The following ARMH4 variants were observed in gnomAD, a reference collection of about 807,000 sequenced individuals.
ARMH4 encodes the protein armadillo like helical domain containing 4, also known as armadillo-like helical domain-containing protein 4.
In ARMH4, 49 loss-of-function variants were observed where a neutral mutation model predicts 61.9. The ratio of observed to expected loss-of-function variants is 0.79; its 90% CI spans 0.63 to 1.00. The LOEUF is 1.00. Among genes scored for constraint, ARMH4 ranks in the 50% least tolerant of loss-of-function variants. The probability of loss-of-function intolerance (pLI) is 0.00; values close to 1 mark genes in which losing one functional copy is unlikely to be tolerated. For synonymous variants in ARMH4, 368 were observed against 341.5 expected (o/e 1.08, Z -0.85); for missense variants, 934 against 930.0 (o/e 1.00, Z -0.06).
chr14:58,092,370 C>T (rs1023958489), intron 5 of ARMH4, among the ~76,000 whole-genome samples: 7 of 152,198 alleles, frequency 4.6e-5, no homozygotes, highest in African/African-American at 1.7e-4. Flanking sequence ...ACAATGTTTA[C>T]GCTCTGAGCA....
chr14:58,095,844 T>G (rs754908502), intron 5 of ARMH4, among the ~76,000 whole-genome samples: 3 of 152,232 alleles, frequency 2.0e-5, no homozygotes, highest in African/African-American at 2.4e-5. Context: ...CTCTTAACCC[T>G]AACATCTGCC....
At chr14:58,023,364 A>T (rs1355615864) in intron 5 of ARMH4, among the ~76,000 whole-genome samples, 1 of 152,194 alleles carries the variant, frequency 6.6e-6, no homozygotes, top group Non-Finnish European at 1.5e-5. Flanking sequence ...AGTAAATTCT[A>T]TCTCAAGAAA....
intron 5 of ARMH4, among the ~76,000 whole-genome samples, chr14:58,027,624 C>T (rs1883066927): frequency 6.7e-6 from 1 of 148,472 alleles, no homozygotes; most frequent in Admixed American, 6.9e-5. Flanking sequence ...CTATTAACAT[C>T]TACACAGTTA....
In ARMH4 at chr14:58,138,848, G is replaced by A. The variant is rs866659687; in HGVS notation, c.511C>T (p.Pro171Ser). The change falls in exon 2 of 8, where the codon CCC becomes TCC. Residue 171 changes from proline (P) to serine (S), a missense_variant. Coordinates refer to ENST00000267485, the MANE Select transcript of ARMH4 (RefSeq NM_001001872.4). The stretch of plus-strand genomic sequence containing the variant: ...GTTTCTGTGATCTCTTCTACAATGG[G>A]CTGAAAGTTAGTGCTTGTAAGGAGT... ...EELLTSTNFQ[P>S]IVEEITETTK... 1 of 1,614,188 alleles carries A rather than the reference G, an allele frequency of 6.2e-7. No homozygotes were observed. The highest frequency in any genetic ancestry group is 8.5e-7 in the Non-Finnish European group (1 of 1,180,024).
chr14:58,036,537 G>T (rs2141174162), intron 5 of ARMH4, among the ~76,000 whole-genome samples: 1 of 68,522 alleles, frequency 1.5e-5, no homozygotes, highest in East Asian at 3.4e-4. Flanking sequence ...CATAGTGTTG[G>T]AAGTTCTGGC....
intron 5 of ARMH4, among the ~76,000 whole-genome samples, chr14:58,094,786 G>C (rs542938124): frequency 3.3e-5 from 5 of 152,332 alleles, no homozygotes; most frequent in African/African-American, 7.2e-5. Flanking sequence ...TTGAGGACTG[G>C]AGGAGGGATG....
intron 5 of ARMH4, among the ~76,000 whole-genome samples, chr14:58,079,330 T>A (rs1037803131): frequency 6.6e-6 from 1 of 152,128 alleles, no homozygotes; most frequent in East Asian, 1.9e-4. Flanking sequence ...TGCTGCATCA[T>A]CCGATGGCAG....
At chr14:58,118,507 C>T (rs191539192) in intron 4 of ARMH4, among the ~76,000 whole-genome samples, 83 of 20,902 alleles carry the variant, frequency 4.0e-3, no homozygotes, top group Middle Eastern at 0.038. Context: ...TATGCGGGGG[C>T]GGGGGTGGGG....
At chr14:58,074,629 G>A (rs117100311) in intron 5 of ARMH4, among the ~76,000 whole-genome samples, 1 of 152,104 alleles carries the variant, frequency 6.6e-6, no homozygotes, top group Non-Finnish European at 1.5e-5. Context: ...ACAGAATGCA[G>A]AGTTGGGAAA....
In ARMH4 at chr14:58,133,090, C is replaced by G. The variant is rs1358062145; in HGVS notation, c.1621G>C (p.Glu541Gln). The G allele has an allele frequency of 1.9e-6, 3 of 1,614,004 alleles. No homozygotes were observed. The change falls in exon 3 of 8, where the codon GAA becomes CAA. Residue 541 changes from glutamate to glutamine, a missense_variant and splice_region_variant. Glu to Gln is a conservative substitution (Grantham distance 29, BLOSUM62 2). Transcript: ENST00000267485. ...GAGTCCAATATCCTCCCTTACAGAC[C>G]TTCCACAGTGGGAGTAACTTCAAAA... ...LSFEVTPTVE[E>Q]QMDTVTGPNE...
rs373394029 is a variant in ARMH4, at chr14:58,138,248, C to G, written c.1111G>C (p.Glu371Gln). The part of the protein sequence containing the change: ...EAAQVALGLP[E>Q]GETHTGTALL... ...GCTGTGCCCGTGTGTGTTTCCCCTT[C>G]AGGCAGCCCCAGAGCCACCTGTGCA... The change falls in exon 2 of 8, where the codon GAA (glutamate) becomes CAA (glutamine). Residue 371 changes from glutamate to glutamine, a missense_variant. Coordinates refer to ENST00000267485, the MANE Select transcript of ARMH4 (RefSeq NM_001001872.4). 1.2e-6 allele frequency: 2 copies of G among 1,614,244 alleles called. No individual in the cohort carries two copies. Among genetic ancestry groups the G allele is most frequent in the Non-Finnish European group, 1.7e-6 (2 of 1,180,048 alleles).
intron 5 of ARMH4, among the ~76,000 whole-genome samples, chr14:58,084,292 T>C (rs1488825907): frequency 6.6e-6 from 1 of 152,188 alleles, no homozygotes; most frequent in Non-Finnish European, 1.5e-5. Context: ...TGTCTTTCTA[T>C]CTCTCTGTGG....
At chr14:58,042,638 T>A (rs1218623859) in intron 5 of ARMH4, among the ~76,000 whole-genome samples, 1 of 152,182 alleles carries the variant, frequency 6.6e-6, no homozygotes, top group Non-Finnish European at 1.5e-5. Flanking sequence ...AAAAAAACCT[T>A]CAAAAAATCA....
intron 4 of ARMH4, among the ~76,000 whole-genome samples, chr14:58,103,525 C>A (rs993853582): frequency 3.3e-5 from 5 of 149,758 alleles, no homozygotes; most frequent in South Asian, 2.1e-4. Flanking sequence ...CCGCCCCCCC[C>A]AAAAAAAAAC....
chr14:58,083,917 T>C (rs1384506306), intron 5 of ARMH4, among the ~76,000 whole-genome samples: 2 of 152,226 alleles, frequency 1.3e-5, no homozygotes, highest in Admixed American at 1.3e-4. Context: ...ACGAGTTAAA[T>C]AAAATCTCTG....
At chr14:58,122,324 A>C (rs1202356369) in intron 4 of ARMH4, among the ~76,000 whole-genome samples, 3 of 152,210 alleles carry the variant, frequency 2.0e-5, no homozygotes, top group African/African-American at 7.2e-5. Context: ...AACTAGGAAG[A>C]AGCCTATGAA....
At position 58,051,126 on chromosome 14, in the gene ARMH4, C is replaced by T. The variant is rs146685510; in HGVS notation, c.2090-38976G>A. ...GGATCTATTTGGGGGAGGGGGTTAA[C>T]AAATCTACTATTTGTTCTTATGTTC... On this transcript the variant is annotated intron_variant, in intron 5 of 7. Coordinates refer to ENST00000267485, the MANE Select transcript of ARMH4 (RefSeq NM_001001872.4). Among the ~76,000 whole-genome samples, 319 of 150,538 alleles carry T rather than the reference C, an allele frequency of 2.1e-3. 2 individuals carry two copies. The highest frequency in any genetic ancestry group is 7.5e-3 in the African/African-American group (307 of 40,890).
intron 1 of ARMH4, among the ~76,000 whole-genome samples, chr14:58,148,108 G>A (rs974949847): frequency 6.6e-6 from 1 of 152,082 alleles, no homozygotes; most frequent in Non-Finnish European, 1.5e-5. Flanking sequence ...ACAGTGCAGT[G>A]GCATGATCTC....
intron 5 of ARMH4, among the ~76,000 whole-genome samples, chr14:58,041,072 G>C (rs1415608666): frequency 2.6e-5 from 4 of 152,212 alleles, no homozygotes; most frequent in Admixed American, 2.0e-4. Flanking sequence ...ATTTCCAACT[G>C]AGGTACTGGG....
Sources: gnomAD v4.1 joint callset for allele counts (sites outside exome capture counted in the v4.1 genomes callset) on GRCh38, gnomAD v4.1.1 for gene constraint, MANE v1.5 for transcripts, NCBI Gene and HGNC (gene_info 2026-07-23, HGNC 2026-07-21) for gene names.